ITIH5: variants seen among roughly 807,000 people sequenced by gnomAD.
ITIH5 encodes the protein inter-alpha-trypsin inhibitor heavy chain 5.
A neutral mutation model predicts 77.5 loss-of-function variants in ITIH5; 65 were observed. The observed-to-expected ratio is 0.84, with a 90% CI of 0.69 to 1.03. The LOEUF (loss-of-function observed/expected upper bound fraction) is 1.03. ITIH5 is among the 50% of genes least tolerant of loss of function. ITIH5 has a pLI of 0.00. For missense variants in ITIH5, 1,208 were observed against 1,213.1 expected (o/e 1.00, Z 0.06); for synonymous variants, 525 against 494.3 (o/e 1.06, Z -0.82).
At chr10:7,596,420 C>T (rs921902765) in intron 7 of ITIH5, among the ~76,000 whole-genome samples, 2 of 152,218 alleles carry the variant, frequency 1.3e-5, no homozygotes, top group African/African-American at 4.8e-5. Flanking sequence ...CTTCCTCCCA[C>T]TTCCATCGGG....
chr10:7,656,807 G>A (rs1044042327), intron 1 of ITIH5, among the ~76,000 whole-genome samples: 1 of 146,390 alleles, frequency 6.8e-6, no homozygotes, highest in Non-Finnish European at 1.5e-5. Flanking sequence ...GCTGTGGCAT[G>A]GTCTTGGCTC....
At chr10:7,624,890 T>C (rs1311411463) in intron 5 of ITIH5, among the ~76,000 whole-genome samples, 6 of 49,616 alleles carry the variant, frequency 1.2e-4, no homozygotes, top group African/African-American at 3.0e-4. Context: ...TATATATGTG[T>C]ATATATATAC....
At chr10:7,573,470 C>T (rs139742001) in intron 10 of ITIH5, among the ~76,000 whole-genome samples, 14 of 150,686 alleles carry the variant, frequency 9.3e-5, no homozygotes, top group Admixed American at 5.3e-4. Context: ...AGTTCGAGAC[C>T]GGCCTGGGCA....
intron 5 of ITIH5, among the ~76,000 whole-genome samples, chr10:7,629,098 T>C (rs1382053339): frequency 7.2e-4 from 51 of 70,860 alleles, no homozygotes; most frequent in East Asian, 2.5e-3. Context: ...CATGTTGTAG[T>C]GTGTGTCCAT....
At chr10:7,630,601 C>A (rs936299103) in intron 5 of ITIH5, among the ~76,000 whole-genome samples, 1 of 152,076 alleles carries the variant, frequency 6.6e-6, no homozygotes, top group African/African-American at 2.4e-5. Context: ...TGCTTTTTGG[C>A]CATTCATATG....
intron 5 of ITIH5, among the ~76,000 whole-genome samples, chr10:7,634,070 C>A (rs529755747): frequency 4.6e-5 from 5 of 109,264 alleles, no homozygotes; most frequent in African/African-American, 1.5e-4. Context: ...GCCTGGGCGA[C>A]AGAGCAAGAC....
chr10:7,650,561 C>T (rs1291264935), intron 2 of ITIH5, among the ~76,000 whole-genome samples: 3 of 151,924 alleles, frequency 2.0e-5, no homozygotes, highest in Non-Finnish European at 4.4e-5. Flanking sequence ...ATGGTGAAAC[C>T]CCGTCTCTAT....
chr10:7,580,160 AC>A, intron 8 of ITIH5, 96 bp from the exon 9 acceptor site: 1 of 1,103,504 alleles, frequency 9.1e-7, no homozygotes, highest in Non-Finnish European at 1.3e-6. Context: ...TTGCTCTGTC[AC>A]CCAGGCTGGA....
At chr10:7,570,659 G>A (rs1313905936) in intron 11 of ITIH5, among the ~76,000 whole-genome samples, 2 of 152,162 alleles carry the variant, frequency 1.3e-5, no homozygotes, top group Non-Finnish European at 2.9e-5. Flanking sequence ...GTCCCACTCT[G>A]TTGACCAGGC....
intron 2 of ITIH5, among the ~76,000 whole-genome samples, chr10:7,643,591 C>G (rs1239773064): frequency 6.6e-6 from 1 of 152,180 alleles, no homozygotes; most frequent in African/African-American, 2.4e-5. Context: ...CAAAGGCTCT[C>G]AAAACATGTT....
chr10:7,600,669 A>G, intron 7 of ITIH5: 1 of 441,302 alleles, frequency 2.3e-6, no homozygotes, highest in Middle Eastern at 3.3e-4. Flanking sequence ...GGGGTACACA[A>G]GGGACAGTTT....
intron 7 of ITIH5, among the ~76,000 whole-genome samples, chr10:7,614,686 A>C (rs780842778): frequency 6.6e-6 from 1 of 152,186 alleles, no homozygotes; most frequent in African/African-American, 2.4e-5. Context: ...GATGCCATGA[A>C]AAACCAGAAA....
At chr10:7,660,776 C>T (rs1346224761) in intron 1 of ITIH5, among the ~76,000 whole-genome samples, 1 of 152,228 alleles carries the variant, frequency 6.6e-6, no homozygotes, top group Non-Finnish European at 1.5e-5. Flanking sequence ...TTCTTGAGCA[C>T]AGACACTCCA....
chr10:7,662,892 A>G (rs1834301214), intron 1 of ITIH5, among the ~76,000 whole-genome samples: 1 of 152,160 alleles, frequency 6.6e-6, no homozygotes. Flanking sequence ...AAAAATAGCT[A>G]TCTTGATTTT....
chr10:7,587,453 G>A (rs2130980222), intron 7 of ITIH5, among the ~76,000 whole-genome samples: 1 of 152,300 alleles, frequency 6.6e-6, no homozygotes, highest in South Asian at 2.1e-4. Context: ...CGAAGTTGAA[G>A]AGCACAGGCT....
chr10:7,611,066 T>C (rs985649482), intron 7 of ITIH5, among the ~76,000 whole-genome samples: 2 of 152,278 alleles, frequency 1.3e-5, no homozygotes, highest in African/African-American at 4.8e-5. Context: ...TGTATCCATT[T>C]GCACTTCTGC....
intron 1 of ITIH5, among the ~76,000 whole-genome samples, chr10:7,658,442 A>G (rs1834223425): frequency 6.6e-6 from 1 of 152,214 alleles, no homozygotes; most frequent in South Asian, 2.1e-4. Context: ...GAACCTATTG[A>G]TGAAAGAGTC....
At position 7,566,238 on chromosome 10, in the gene ITIH5, G is replaced by A. The variant is rs1425349499; in HGVS notation, c.2319C>T (p.Leu773=). The A allele has an allele frequency of 1.2e-6, 2 of 1,613,450 alleles. No homozygotes were observed. Among genetic ancestry groups the A allele is most frequent in the African/African-American group, 1.3e-5 (1 of 74,898 alleles). The change falls in exon 13 of 14, where the codon CTC becomes CTT. Residue 773 remains leucine, a synonymous_variant. Transcript: ENST00000397146. ...CCACCACCACACTCTGGTTGCAGGGGAGCACCAGTCTGTCCCCACCATCCA... is the reference window on the plus strand; with the variant it reads ...CCACCACCACACTCTGGTTGCAGGGAAGCACCAGTCTGTCCCCACCATCCA... ...VILDGGDRLV[L]PCNQSVVVGS...
intron 9 of ITIH5, 88 bp from the exon 10 acceptor site, chr10:7,577,100 G>A: frequency 8.8e-7 from 1 of 1,137,982 alleles, no homozygotes; most frequent in Non-Finnish European, 1.2e-6. Flanking sequence ...CAGACTCTCA[G>A]GGGGATGCAT....
Sources: allele counts gnomAD v4.1 joint callset (sites outside exome capture counted in the v4.1 genomes callset), GRCh38; gene constraint gnomAD v4.1.1; transcripts MANE v1.5; gene names NCBI Gene and HGNC (gene_info 2026-07-23, HGNC 2026-07-21).